Variants in DNTT observed in about 807,000 individuals in gnomAD.
DNTT encodes DNA nucleotidylexotransferase.
A neutral mutation model predicts 60.9 loss-of-function variants in DNTT; 47 were observed. The ratio of observed to expected loss-of-function variants is 0.77; its 90% CI spans 0.61 to 0.98. The LOEUF (loss-of-function observed/expected upper bound fraction) is 0.98. Among genes scored for constraint, DNTT ranks in the 50% least tolerant of loss-of-function variants. The pLI is 0.00. For missense variants in DNTT, 665 were observed against 627.5 expected (o/e 1.06, Z -0.64); for synonymous variants, 224 against 221.2 (o/e 1.01, Z -0.11).
Position 96,338,240 on chromosome 10 carries a change from AT to A in DNTT, c.*23del. 7 of 1,598,152 alleles carry A rather than the reference AT, an allele frequency of 4.4e-6. No individual in the cohort carries two copies. Among genetic ancestry groups the A allele is most frequent in the East Asian group, 2.2e-5 (1 of 44,560 alleles). On this transcript the variant is annotated 3_prime_UTR_variant, in exon 11 of 11. Coordinates refer to ENST00000371174, the MANE Select transcript of DNTT (RefSeq NM_004088.4). ...AAATGCCTAGGAAAGTGTTGTCAAC[AT>A]TTTTTTCCTATTCTTTTCAAGTTAA...
intron 8 of DNTT, among the ~76,000 whole-genome samples, chr10:96,331,713 C>T (rs1845008876): frequency 6.6e-6 from 1 of 152,160 alleles, no homozygotes; most frequent in African/African-American, 2.4e-5. Context: ...GGGGGACAAA[C>T]ATCCAAACTA....
At chr10:96,321,584 T>A (rs1462099656) in intron 4 of DNTT, among the ~76,000 whole-genome samples, 1 of 152,138 alleles carries the variant, frequency 6.6e-6, no homozygotes, top group Non-Finnish European at 1.5e-5. Flanking sequence ...GATTACCAAT[T>A]TCAAGTGTTT....
At chr10:96,324,671 G>T (rs1016553442) in intron 6 of DNTT, among the ~76,000 whole-genome samples, 1 of 152,232 alleles carries the variant, frequency 6.6e-6, no homozygotes, top group Non-Finnish European at 1.5e-5. Context: ...CCTCAGCACT[G>T]TGTCTGACAC....
At chr10:96,333,282 C>T (rs957194833) in intron 9 of DNTT, among the ~76,000 whole-genome samples, 4 of 152,158 alleles carry the variant, frequency 2.6e-5, no homozygotes, top group Admixed American at 2.0e-4. Context: ...ATCTCACATC[C>T]GTCAGATTGG....
At chr10:96,337,214 G>C (rs1266346322) in intron 10 of DNTT, among the ~76,000 whole-genome samples, 1 of 152,170 alleles carries the variant, frequency 6.6e-6, no homozygotes, top group Non-Finnish European at 1.5e-5. Flanking sequence ...ACAGAGAAGA[G>C]CCTGTTTCCT....
At chr10:96,304,947 C>T (rs897713899) in intron 1 of DNTT, among the ~76,000 whole-genome samples, 1 of 152,164 alleles carries the variant, frequency 6.6e-6, no homozygotes, top group Non-Finnish European at 1.5e-5. Context: ...CTTTTCACTC[C>T]TATGAGATGT....
intron 3 of DNTT, among the ~76,000 whole-genome samples, chr10:96,319,659 G>A (rs1320886655): frequency 1.3e-5 from 2 of 152,118 alleles, no homozygotes; most frequent in Admixed American, 6.6e-5. Context: ...ATTAATGGGC[G>A]CAACACTTGT....
chr10:96,326,172 G>A (rs1004703861), intron 6 of DNTT, among the ~76,000 whole-genome samples: 3 of 152,168 alleles, frequency 2.0e-5, no homozygotes, highest in African/African-American at 4.8e-5. Context: ...AAGCACAGGT[G>A]TTTGTGGTTA....
In DNTT at chr10:96,307,332, T is replaced by C. The variant is rs552553065; in HGVS notation, c.203+2632T>C. 2.0e-5 allele frequency among the ~76,000 whole-genome samples: 3 copies of C among 149,354 alleles called. No individual in the cohort carries two copies. In the East Asian group the frequency reaches 5.9e-4, roughly 29 times the overall value. ...AGAGATTATGGCTGTTTTTATTTTC[T>C]GGGTTTTCCAGTTTTTTTTTTTTTT... On this transcript the variant is annotated intron_variant, in intron 1 of 10. Coordinates refer to ENST00000371174, the MANE Select transcript of DNTT (RefSeq NM_004088.4).
At chr10:96,308,339 A>C (rs914798975) in intron 1 of DNTT, among the ~76,000 whole-genome samples, 1 of 152,218 alleles carries the variant, frequency 6.6e-6, no homozygotes, top group Non-Finnish European at 1.5e-5. Context: ...GTGCCATAGG[A>C]AGCTGGTCTT....
chr10:96,313,667 T>C (rs576331338), intron 1 of DNTT, among the ~76,000 whole-genome samples: 9 of 152,352 alleles, frequency 5.9e-5, no homozygotes, highest in African/African-American at 1.9e-4. Context: ...GTCATTATCA[T>C]TATCTTTGCT....
intron 10 of DNTT, among the ~76,000 whole-genome samples, chr10:96,337,343 G>A (rs1217025476): frequency 6.6e-6 from 1 of 152,180 alleles, no homozygotes; most frequent in Non-Finnish European, 1.5e-5. Context: ...CTGCTTCTTG[G>A]AATTGGGAGC....
chr10:96,328,688 T>G, intron 7 of DNTT, 37 bp from the exon 8 acceptor site: 2 of 1,590,356 alleles, frequency 1.3e-6, no homozygotes, highest in Non-Finnish European at 1.7e-6. Context: ...GACTAATATC[T>G]AATTGATTTC....
intron 9 of DNTT, among the ~76,000 whole-genome samples, chr10:96,333,062 T>A (rs1183364026): frequency 2.6e-5 from 4 of 152,038 alleles, no homozygotes; most frequent in African/African-American, 9.7e-5. Context: ...TATCTGCACA[T>A]CATACATCAC....
At chr10:96,304,938 T>G (rs1046048348) in intron 1 of DNTT, among the ~76,000 whole-genome samples, 7 of 152,200 alleles carry the variant, frequency 4.6e-5, no homozygotes, top group African/African-American at 1.7e-4. Flanking sequence ...TGTTTTTTGC[T>G]TTTCACTCCT....
intron 7 of DNTT, among the ~76,000 whole-genome samples, chr10:96,328,339 G>A (rs1844963062): frequency 6.6e-6 from 1 of 152,098 alleles, no homozygotes; most frequent in Non-Finnish European, 1.5e-5. Flanking sequence ...CTAAGATAAT[G>A]CCTTTACTCC....
chr10:96,314,072 A>G (rs988079055), intron 1 of DNTT, among the ~76,000 whole-genome samples: 1 of 152,208 alleles, frequency 6.6e-6, no homozygotes, highest in Non-Finnish European at 1.5e-5. Context: ...AGTTTAGTCC[A>G]TATAATATTG....
At chr10:96,320,580 G>C (rs199587441) in intron 3 of DNTT, 38 bp from the exon 4 acceptor site, 26 of 1,607,626 alleles carry the variant, frequency 1.6e-5, no homozygotes, top group East Asian at 1.3e-4. Flanking sequence ...TCAGGGGCTT[G>C]GAAGCAAATC....
chr10:96,314,047 C>T (rs911719001), intron 1 of DNTT, among the ~76,000 whole-genome samples: 5 of 152,240 alleles, frequency 3.3e-5, no homozygotes, highest in African/African-American at 1.2e-4. Flanking sequence ...GGCAGTTCTA[C>T]ATGTCCTGTA....
Sources: allele counts gnomAD v4.1 joint callset (sites outside exome capture counted in the v4.1 genomes callset), GRCh38; gene constraint gnomAD v4.1.1; transcripts MANE v1.5; gene names NCBI Gene and HGNC (gene_info 2026-07-23, HGNC 2026-07-21).